COL24A1: variants seen among roughly 807,000 people sequenced by gnomAD.
COL24A1 encodes collagen alpha-1(XXIV) chain.
COL24A1 carries 224 observed loss-of-function variants against 253.9 expected under a neutral mutation model. The ratio of observed to expected loss-of-function variants is 0.88; its 90% confidence interval spans 0.79 to 0.99. The LOEUF is 0.99. COL24A1 is among the 50% of genes least tolerant of loss of function. The probability of loss-of-function intolerance (pLI) is 0.00; values close to 1 mark genes in which losing one functional copy is unlikely to be tolerated. For synonymous variants in COL24A1, 685 were observed against 673.7 expected (o/e 1.02, Z -0.26); for missense variants, 2,131 against 2,068.5 (o/e 1.03, Z -0.59).
intron 57 of COL24A1, among the ~76,000 whole-genome samples, chr1:85,738,002 T>G (rs1430618104): frequency 6.6e-6 from 1 of 152,214 alleles, no homozygotes; most frequent in Admixed American, 6.5e-5. Flanking sequence ...AAATGCTGTA[T>G]TTTTCACATA....
At chr1:86,042,512 G>A (rs1369558212) in intron 12 of COL24A1, among the ~76,000 whole-genome samples, 1 of 151,952 alleles carries the variant, frequency 6.6e-6, no homozygotes, top group East Asian at 1.9e-4. Context: ...ACCATTATGA[G>A]GCTAAATAAT....
intron 23 of COL24A1, among the ~76,000 whole-genome samples, chr1:85,964,759 T>A (rs1691396124): frequency 6.6e-6 from 1 of 152,110 alleles, no homozygotes; most frequent in Non-Finnish European, 1.5e-5. Context: ...AATGCAAATA[T>A]TTAAAACTCC....
At chr1:85,926,106 A>C (rs1221920304) in intron 24 of COL24A1, among the ~76,000 whole-genome samples, 1 of 152,268 alleles carries the variant, frequency 6.6e-6, no homozygotes, top group Non-Finnish European at 1.5e-5. Flanking sequence ...AGAGAAATGC[A>C]AATCAAAACC....
At chr1:85,966,838 G>A (rs113681516) in intron 22 of COL24A1, among the ~76,000 whole-genome samples, 6 of 152,186 alleles carry the variant, frequency 3.9e-5, no homozygotes, top group Non-Finnish European at 5.9e-5. Flanking sequence ...AACTGAAAGA[G>A]CATGTATAGA....
intron 24 of COL24A1, among the ~76,000 whole-genome samples, chr1:85,912,369 T>C (rs1306022741): frequency 6.6e-6 from 1 of 152,176 alleles, no homozygotes; most frequent in Non-Finnish European, 1.5e-5. Flanking sequence ...AGAACAAGCT[T>C]GACAAGAACA....
At position 85,842,094 on chromosome 1, in the gene COL24A1, C is replaced by T. The variant is rs1676673157; in HGVS notation, c.3544G>A (p.Gly1182Arg). Residue 1182 changes from glycine to arginine, a missense_variant, in exon 41 of 60, where the codon GGA (glycine) becomes AGA (arginine). Gly to Arg is a moderately radical substitution (Grantham distance 125). Transcript: ENST00000370571. The stretch of plus-strand genomic sequence containing the variant: ...TTTTCTCCTTTAGGTCCTGGCAATC[C>T]AGAGGGTCCTGGTTGGCCCTGATGG... ...RGHQGQPGPS[G>R]LPGPKGEKGY... The T allele has an allele frequency of 6.2e-7, 1 of 1,613,738 alleles. No homozygotes were observed. Among genetic ancestry groups the T allele is most frequent in the Non-Finnish European group, 8.5e-7 (1 of 1,179,772 alleles).
chr1:85,747,011 C>T (rs375321592), intron 55 of COL24A1, among the ~76,000 whole-genome samples: 264 of 151,304 alleles, frequency 1.7e-3, no homozygotes, highest in African/African-American at 6.2e-3. Flanking sequence ...GGTTCTCAAA[C>T]TCTTCAGAAT....
intron 53 of COL24A1, among the ~76,000 whole-genome samples, chr1:85,774,348 C>T (rs1570556781): frequency 6.6e-6 from 1 of 152,186 alleles, no homozygotes; most frequent in South Asian, 2.1e-4. Context: ...TGTTGTGTCT[C>T]TGCCGGGCTT....
At chr1:86,078,677 T>C (rs1400875953) in intron 7 of COL24A1, among the ~76,000 whole-genome samples, 1 of 151,940 alleles carries the variant, frequency 6.6e-6, no homozygotes, top group African/African-American at 2.4e-5. Context: ...TAATGAACAA[T>C]TGGAAAAAGA....
At chr1:86,118,952 G>T (rs1706425248) in intron 3 of COL24A1, among the ~76,000 whole-genome samples, 2 of 152,136 alleles carry the variant, frequency 1.3e-5, no homozygotes, top group African/African-American at 4.8e-5. Context: ...GTAAGCAGGG[G>T]CCATATCACA....
At chr1:85,769,840 A>G (rs1211734069) in intron 53 of COL24A1, among the ~76,000 whole-genome samples, 1 of 152,152 alleles carries the variant, frequency 6.6e-6, no homozygotes, top group Non-Finnish European at 1.5e-5. Context: ...CCATATTTCT[A>G]TCACTACAAC....
intron 55 of COL24A1, among the ~76,000 whole-genome samples, chr1:85,756,478 G>A (rs947520038): frequency 1.3e-4 from 20 of 151,966 alleles, no homozygotes; most frequent in Non-Finnish European, 2.6e-4. Flanking sequence ...ACCACAAATC[G>A]TTAGGAAAAT....
intron 28 of COL24A1, among the ~76,000 whole-genome samples, chr1:85,897,129 A>G (rs184326105): frequency 6.6e-6 from 1 of 152,314 alleles, no homozygotes; most frequent in Admixed American, 6.5e-5. Context: ...TCACATTATT[A>G]GAAAATGATA....
chr1:86,146,183 C>A lies in COL24A1; in HGVS notation c.57G>T (p.Thr19=), dbSNP rs1251635787. Residue 19 remains threonine (T), a splice_region_variant and synonymous_variant, in exon 2 of 60, where the codon ACG becomes ACT. Coordinates refer to ENST00000370571, the MANE Select transcript of COL24A1 (RefSeq NM_152890.7). ...RRGKVSPTAK[T]KSLLHFIVLC... is the part of the protein sequence containing the mutation. The stretch of plus-strand genomic sequence containing the variant: ...GTACAATAAAATGAAGAAGTGATTT[C>A]CTAGGAAAAGAAAAAAGCATTTGGG... 2.5e-6 allele frequency: 4 copies of A among 1,607,730 alleles called. No individual in the cohort carries two copies. Among genetic ancestry groups the A allele is most frequent in the Non-Finnish European group, 3.4e-6 (4 of 1,177,006 alleles).
chr1:85,847,685 T>C lies in COL24A1; in HGVS notation c.3442A>G (p.Arg1148Gly), dbSNP rs1677282382. The change falls in exon 39 of 60, where the codon AGA (arginine) becomes GGA (glycine). Residue 1148 changes from arginine (R) to glycine (G), a missense_variant. Physicochemically the swap from Arg to Gly is moderately radical, Grantham distance 125 (BLOSUM62 -2). Transcript: ENST00000370571. ...KIGKSGPKGA[R>G]GTRGAVGHLG... ...CTGACCACAGCACCTCTAGTTCCTC[T>C]GGCACCCTTAGGACCACTTTTCCCA... 1 of 1,613,438 alleles carries C rather than the reference T, an allele frequency of 6.2e-7. No homozygotes were observed. Among genetic ancestry groups the C allele is most frequent in the Non-Finnish European group, 8.5e-7 (1 of 1,179,650 alleles).
chr1:85,947,478 C>T (rs983574190), intron 24 of COL24A1, among the ~76,000 whole-genome samples: 4 of 152,158 alleles, frequency 2.6e-5, no homozygotes, highest in Non-Finnish European at 5.9e-5. Flanking sequence ...GCTATTCTAA[C>T]TAGAAACTTA....
At chr1:85,920,930 A>G (rs543163832) in intron 24 of COL24A1, among the ~76,000 whole-genome samples, 32 of 82,884 alleles carry the variant, frequency 3.9e-4, no homozygotes, top group African/African-American at 1.3e-3. Flanking sequence ...CAAGAGGTAG[A>G]AAAAAAAAAA....
chr1:86,076,950 A>G (rs1012187121), intron 7 of COL24A1, among the ~76,000 whole-genome samples: 2 of 152,242 alleles, frequency 1.3e-5, no homozygotes, highest in Admixed American at 1.3e-4. Flanking sequence ...CTTCATGACT[A>G]AAACACCAAA....
At position 85,781,218 on chromosome 1, in the gene COL24A1, A is replaced by T. The variant is rs752530805; in HGVS notation, c.4338+2T>A. 1.3e-6 allele frequency: 2 copies of T among 1,590,354 alleles called. No individual in the cohort carries two copies. Among genetic ancestry groups the T allele is most frequent in the Admixed American group, 3.5e-5 (2 of 57,358 alleles). On this transcript the variant is annotated splice_donor_variant, in intron 52 of 59. Coordinates refer to ENST00000370571, the MANE Select transcript of COL24A1 (RefSeq NM_152890.7). LOFTEE classifies it high-confidence loss of function. Reference sequence around the variant, plus strand: ...AAAAGACTTGTATTATGATAAACTTACAGTTCTACCTGTTGGGCCTATTAT... The same window carrying T: ...AAAAGACTTGTATTATGATAAACTTTCAGTTCTACCTGTTGGGCCTATTAT...
Sources: allele counts gnomAD v4.1 joint callset (sites outside exome capture counted in the v4.1 genomes callset), GRCh38; gene constraint gnomAD v4.1.1; transcripts MANE v1.5; gene names NCBI Gene and HGNC (gene_info 2026-07-23, HGNC 2026-07-21).